FBXO8: variants seen among roughly 807,000 people sequenced by gnomAD.
The protein encoded by FBXO8 is F-box only protein 8.
A neutral mutation model predicts 33.4 loss-of-function variants in FBXO8; 15 were observed. The observed-to-expected ratio is 0.45, with a 90% CI of 0.30 to 0.69. FBXO8 has a LOEUF of 0.69. Ranked by LOEUF, FBXO8 falls within the 30% of genes least tolerant of loss-of-function variation. FBXO8 has a pLI of 0.08. For missense variants in FBXO8, 274 were observed against 380.3 expected (o/e 0.72, Z 2.32); for synonymous variants, 132 against 131.5 (o/e 1.00, Z -0.02).
At chr4:174,239,835 T>TA (rs140742885) in intron 4 of FBXO8, among the ~76,000 whole-genome samples, 16,036 of 151,686 alleles carry the variant, frequency 0.11, 956 homozygotes, top group South Asian at 0.22. Context: ...TCTAATTTTT[T>TA]AAAAAAATCA....
chr4:174,271,564 C>T (rs749271335), intron 1 of FBXO8, among the ~76,000 whole-genome samples: 1 of 152,040 alleles, frequency 6.6e-6, no homozygotes, highest in Non-Finnish European at 1.5e-5. Context: ...TACCCCAACC[C>T]CTTTCCCTCA....
At position 174,256,419 on chromosome 4, in the gene FBXO8, C is replaced by A. The variant is rs1053219866; in HGVS notation, c.456+3280G>T. Reference sequence around the variant, plus strand: ...AAAATACAGTCTCCAAAAAGTACTGCCTAATTTTGAGCACTCAAAAAACTT... The same window carrying A: ...AAAATACAGTCTCCAAAAAGTACTGACTAATTTTGAGCACTCAAAAAACTT... On this transcript the variant is annotated intron_variant, in intron 3 of 5. Coordinates refer to ENST00000393674, the MANE Select transcript of FBXO8 (RefSeq NM_012180.3). This position sits in a 1 kb window ranked among gnomAD's most constrained non-coding sequence, Gnocchi z 4.6. Among the ~76,000 whole-genome samples the A allele has an allele frequency of 2.6e-5, 4 of 152,066 alleles. No homozygotes were observed. Among genetic ancestry groups the A allele is most frequent in the African/African-American group, 9.7e-5 (4 of 41,408 alleles).
intron 1 of FBXO8, among the ~76,000 whole-genome samples, chr4:174,279,726 G>C (rs1006084069): frequency 6.6e-5 from 10 of 152,042 alleles, no homozygotes; most frequent in Non-Finnish European, 5.9e-5. Context: ...TTTTGACTAG[G>C]TGTCAAGATC....
chr4:174,239,834 T>TA (rs1353201051), intron 4 of FBXO8, among the ~76,000 whole-genome samples: 1 of 149,014 alleles, frequency 6.7e-6, no homozygotes, highest in East Asian at 2.0e-4. Context: ...ATCTAATTTT[T>TA]TAAAAAAATC....
Position 174,237,534 on chromosome 4 carries a change from T to C in FBXO8, c.838A>G (p.Lys280Glu). 1 of 1,613,794 alleles carries C rather than the reference T, an allele frequency of 6.2e-7. No homozygotes were observed. ...AATTCCCTTTTTGACATTTTATTCT[T>C]CACATGAGGGCTAGTGAGGTCAATG... ...LSIDLTSPHV[K>E]NKMSKREFIR... is the part of the protein sequence containing the mutation. The change falls in exon 6 of 6, where the codon AAG becomes GAG. Residue 280 changes from lysine (K) to glutamate (E), a missense_variant. Lys to Glu is a moderately conservative substitution (Grantham distance 56). Transcript: ENST00000393674. This position sits in a 1 kb window ranked among gnomAD's most constrained non-coding sequence, Gnocchi z 4.4.
chr4:174,247,672 C>A lies in FBXO8; in HGVS notation c.457-6454G>T, dbSNP rs1321677389. On this transcript the variant is annotated intron_variant, in intron 3 of 5. Coordinates refer to ENST00000393674, the MANE Select transcript of FBXO8 (RefSeq NM_012180.3). This position sits in a 1 kb window ranked among gnomAD's most constrained non-coding sequence, Gnocchi z 4.6. ...AAGTATACATTTGAGCACAATGAAA[C>A]TTAAACTGAAATGTAACATTTTCAA... Among the ~76,000 whole-genome samples, 1 of 151,880 alleles carries A rather than the reference C, an allele frequency of 6.6e-6. No homozygotes were observed. Among genetic ancestry groups the A allele is most frequent in the African/African-American group, 2.4e-5 (1 of 41,358 alleles).
At chr4:174,260,955 G>C (rs1201522552) in intron 2 of FBXO8, among the ~76,000 whole-genome samples, 1 of 151,834 alleles carries the variant, frequency 6.6e-6, no homozygotes, top group African/African-American at 2.4e-5. Flanking sequence ...AACACACAAA[G>C]TGCAGAGCAA....
Position 174,262,731 on chromosome 4 carries a change from T to C in FBXO8, c.329+33A>G. 6.4e-7 allele frequency: 1 copy of C among 1,562,262 alleles called. No homozygotes were observed. The highest frequency in any genetic ancestry group is 1.4e-5 in the African/African-American group (1 of 73,880). Reference sequence around the variant, plus strand: ...ATTGAAGCATGATTATGTTTAGAGATACCTGAATTCAACTTTGGTGGGTTT... The same window carrying C: ...ATTGAAGCATGATTATGTTTAGAGACACCTGAATTCAACTTTGGTGGGTTT... On this transcript the variant is annotated intron_variant, in intron 2 of 5. Coordinates refer to ENST00000393674, the MANE Select transcript of FBXO8 (RefSeq NM_012180.3). The surrounding 1 kb of genome is among the most constrained non-coding windows in gnomAD (Gnocchi z 4.6).
At chr4:174,280,635 T>C (rs1360389993) in intron 1 of FBXO8, among the ~76,000 whole-genome samples, 3 of 152,138 alleles carry the variant, frequency 2.0e-5, no homozygotes, top group South Asian at 2.1e-4. Context: ...CTGACACATA[T>C]AAGGGAATGT....
chr4:174,281,143 G>A lies in FBXO8; in HGVS notation c.-9+2267C>T, dbSNP rs891604833. The stretch of plus-strand genomic sequence containing the variant: ...CAAATTAATAAATAAAAGAAGAGAT[G>A]ATGGCGTGCGTGTGTGTGTATTTAA... On this transcript the variant is annotated intron_variant, in intron 1 of 5. Coordinates refer to ENST00000393674, the MANE Select transcript of FBXO8 (RefSeq NM_012180.3). This position sits in a 1 kb window ranked among gnomAD's most constrained non-coding sequence, Gnocchi z 4.6. 6.6e-6 allele frequency among the ~76,000 whole-genome samples: 1 copy of A among 152,180 alleles called. No homozygotes were observed. The highest frequency in any genetic ancestry group is 2.4e-5 in the African/African-American group (1 of 41,450).
At position 174,255,510 on chromosome 4, in the gene FBXO8, ATTAT is replaced by A. The variant is rs1363819925; in HGVS notation, c.456+4185_456+4188del. Among the ~76,000 whole-genome samples, 6 of 152,152 alleles carry A rather than the reference ATTAT, an allele frequency of 3.9e-5. No homozygotes were observed. The East Asian group carries it at 1.2e-3, about 29-fold the overall frequency. On this transcript the variant is annotated intron_variant, in intron 3 of 5. Coordinates refer to ENST00000393674, the MANE Select transcript of FBXO8 (RefSeq NM_012180.3). The surrounding 1 kb of genome is among the most constrained non-coding windows in gnomAD (Gnocchi z 4.3). Reference sequence around the variant, plus strand: ...CAAATTTAAAATATTTTTATAATAGATTATTTAGTAAAATGTATAAAATTATACA... The same window carrying A: ...CAAATTTAAAATATTTTTATAATAGATTAGTAAAATGTATAAAATTATACA...
At position 174,236,740 on chromosome 4, in the gene FBXO8, T is replaced by G. The variant is rs1735895511; in HGVS notation, c.*672A>C. ...TGATGTTTTAAAAATCCTAAATGGT[T>G]TAAAGGACTTACCGAGACTTGATTA... On this transcript the variant is annotated 3_prime_UTR_variant, in exon 6 of 6. Transcript: ENST00000393674. 6.6e-6 allele frequency: 1 copy of G among 152,132 alleles called. No homozygotes were observed. Among genetic ancestry groups the G allele is most frequent in the African/African-American group, 2.4e-5 (1 of 41,436 alleles). The allele number at this position is 152,132 out of a possible 1,614,324, so 9.4% of individuals were successfully genotyped here.
rs1736348007 is a variant in FBXO8 at position 174,253,585 on chromosome 4, A to G, written c.456+6114T>C. Among the ~76,000 whole-genome samples the G allele has an allele frequency of 6.6e-6, 1 of 152,192 alleles. No individual in the cohort carries two copies. ...CATGTTTTAAGTGTATCACTAGTTA[A>G]AATGGCGTTACAGATGCTTGGATGC... On this transcript the variant is annotated intron_variant, in intron 3 of 5. Transcript: ENST00000393674. This position sits in a 1 kb window ranked among gnomAD's most constrained non-coding sequence, Gnocchi z 4.5.
chr4:174,265,206 G>A lies in FBXO8; in HGVS notation c.-8-2106C>T, dbSNP rs1363575519. ...TTTAAAAATTAAACATACTTTGTATGATTCAGCATTAGCTGAATCATTTAC... is the reference window on the plus strand; with the variant it reads ...TTTAAAAATTAAACATACTTTGTATAATTCAGCATTAGCTGAATCATTTAC... On this transcript the variant is annotated intron_variant, in intron 1 of 5. Transcript: ENST00000393674. The surrounding 1 kb of genome is among the most constrained non-coding windows in gnomAD (Gnocchi z 4.7). 2.0e-5 allele frequency among the ~76,000 whole-genome samples: 3 copies of A among 152,042 alleles called. No individual in the cohort carries two copies. Among genetic ancestry groups the A allele is most frequent in the Non-Finnish European group, 4.4e-5 (3 of 67,974 alleles).
rs1736725998 is a variant in FBXO8, at chr4:174,267,739, T to C, written c.-8-4639A>G. ...TTCAGATTTGTGTTAAAAGTTTTAA[T>C]AATATCTTGGTATAAAGATTTTAAA... is the stretch of plus-strand genomic sequence containing the variant. On this transcript the variant is annotated intron_variant, in intron 1 of 5. Coordinates refer to ENST00000393674, the MANE Select transcript of FBXO8 (RefSeq NM_012180.3). This position sits in a 1 kb window ranked among gnomAD's most constrained non-coding sequence, Gnocchi z 4.7. Among the ~76,000 whole-genome samples, 1 of 132,390 alleles carries C rather than the reference T, an allele frequency of 7.6e-6. No homozygotes were observed. Among genetic ancestry groups the C allele is most frequent in the Non-Finnish European group, 1.8e-5 (1 of 54,818 alleles). 86.9% of individuals were successfully genotyped at this position (132,390 alleles called of 152,430 possible).
Position 174,245,658 on chromosome 4 carries a change from T to G in FBXO8, c.457-4440A>C, listed in dbSNP as rs919878187. On this transcript the variant is annotated intron_variant, in intron 3 of 5. Coordinates refer to ENST00000393674, the MANE Select transcript of FBXO8 (RefSeq NM_012180.3). The surrounding 1 kb of genome is among the most constrained non-coding windows in gnomAD (Gnocchi z 4.6). The stretch of plus-strand genomic sequence containing the variant: ...GAAGCAATGGGCTATAATGTGAATT[T>G]GGCAGCAATATAAAGATAAATAATG... Among the ~76,000 whole-genome samples the G allele has an allele frequency of 1.3e-5, 2 of 151,850 alleles. No individual in the cohort carries two copies. The highest frequency in any genetic ancestry group is 2.4e-5 in the African/African-American group (1 of 41,384).
intron 1 of FBXO8, among the ~76,000 whole-genome samples, chr4:174,266,101 G>A (rs1464150757): frequency 6.6e-6 from 1 of 152,076 alleles, no homozygotes; most frequent in East Asian, 1.9e-4. Flanking sequence ...CTACTCTTAG[G>A]CCTGTTGCTA....
In FBXO8 at chr4:174,270,676, G is replaced by C. The variant is rs777137612; in HGVS notation, c.-8-7576C>G. On this transcript the variant is annotated intron_variant, in intron 1 of 5. Transcript: ENST00000393674. This position sits in a 1 kb window ranked among gnomAD's most constrained non-coding sequence, Gnocchi z 4.6. The stretch of plus-strand genomic sequence containing the variant: ...CTTGTTCCCCAGCTGCAGTGCAATG[G>C]CGCGATCTCGGCTCACTGCAACCTC... Among the ~76,000 whole-genome samples, 12 of 151,064 alleles carry C rather than the reference G, an allele frequency of 7.9e-5. No homozygotes were observed. Among genetic ancestry groups the C allele is most frequent in the Admixed American group, 1.3e-4 (2 of 15,156 alleles).
rs1736673423 is a variant in FBXO8 at position 174,265,497 on chromosome 4, T to C, written c.-8-2397A>G. Among the ~76,000 whole-genome samples, 1 of 152,108 alleles carries C rather than the reference T, an allele frequency of 6.6e-6. No homozygotes were observed. Among genetic ancestry groups the C allele is most frequent in the South Asian group, 2.1e-4 (1 of 4,838 alleles). On this transcript the variant is annotated intron_variant, in intron 1 of 5. Transcript: ENST00000393674. The surrounding 1 kb of genome is among the most constrained non-coding windows in gnomAD (Gnocchi z 4.7). ...AATAAGCTGTGGTACAGTATATCTA[T>C]ACAATGGGAAATTATTTAGCACTAA...
Sources: allele counts gnomAD v4.1 joint callset (sites outside exome capture counted in the v4.1 genomes callset), GRCh38; gene constraint gnomAD v4.1.1; non-coding constraint Gnocchi (gnomAD v3.1); transcripts MANE v1.5; gene names NCBI Gene and HGNC (gene_info 2026-07-23, HGNC 2026-07-21).